SPTBN1: variants seen among roughly 807,000 people sequenced by gnomAD.
SPTBN1 encodes the protein spectrin beta chain, non-erythrocytic 1.
In SPTBN1, 32 loss-of-function variants were observed where a neutral mutation model predicts 266.4. The observed-to-expected ratio is 0.12, with a 90% CI of 0.09 to 0.16. The LOEUF (loss-of-function observed/expected upper bound fraction) is 0.16, where lower values mean the gene tolerates loss of function less well. Ranked by LOEUF, SPTBN1 falls within the 10% of genes least tolerant of loss-of-function variation. The probability of loss-of-function intolerance (pLI) is 1.00; values close to 1 mark genes in which losing one functional copy is unlikely to be tolerated. For synonymous variants in SPTBN1, 1,336 were observed against 1,162.2 expected (o/e 1.15, Z -3.04); for missense variants, 2,296 against 3,067.1 (o/e 0.75, Z 5.94).
At position 54,653,968 on chromosome 2, in the gene SPTBN1, A is replaced by G; in HGVS notation, c.5822+115A>G. The G allele has an allele frequency of 1.4e-6, 2 of 1,470,586 alleles. No individual in the cohort carries two copies. The highest frequency in any genetic ancestry group is 1.8e-6 in the Non-Finnish European group (2 of 1,101,434). 91.1% of individuals were successfully genotyped at this position (1,470,586 alleles called of 1,614,324 possible). On this transcript the variant is annotated intron_variant, in intron 27 of 35. Transcript: ENST00000356805. This position sits in a 1 kb window ranked among gnomAD's most constrained non-coding sequence, Gnocchi z 5.1. ...GTTCCTGCCTGAGCGCTTCAAGGCC[A>G]GAGTGGGGGTGGGGCGGTGCTTGGA...
chr2:54,597,085 T>A (rs1253801319), intron 2 of SPTBN1, among the ~76,000 whole-genome samples: 1 of 152,230 alleles, frequency 6.6e-6, no homozygotes, highest in Non-Finnish European at 1.5e-5. Context: ...TTGATCTTGC[T>A]CCCTTGCTTC....
At chr2:54,661,897 A>C in intron 32 of SPTBN1, 5 of 985,382 alleles carry the variant, frequency 5.1e-6, no homozygotes, top group Non-Finnish European at 6.0e-6. Flanking sequence ...ATTTTTATCT[A>C]GATTTTTAAA....
chr2:54,523,954 C>T (rs924419317), intron 1 of SPTBN1, among the ~76,000 whole-genome samples: 1 of 152,106 alleles, frequency 6.6e-6, no homozygotes, highest in Non-Finnish European at 1.5e-5. Context: ...AATCCCAGCA[C>T]TTTGGGAGGC....
intron 1 of SPTBN1, among the ~76,000 whole-genome samples, chr2:54,470,475 A>G (rs528456557): frequency 2.6e-5 from 4 of 152,276 alleles, no homozygotes; most frequent in South Asian, 2.1e-4. Flanking sequence ...TAGCTGGCCT[A>G]TCTCTGGAAT....
At chr2:54,544,754 A>G (rs943591423) in intron 2 of SPTBN1, among the ~76,000 whole-genome samples, 1 of 152,228 alleles carries the variant, frequency 6.6e-6, no homozygotes, top group African/African-American at 2.4e-5. Flanking sequence ...AAGTTTTAAA[A>G]AGGAGTAAAC....
At position 54,668,710 on chromosome 2, in the gene SPTBN1, T is replaced by G; in HGVS notation, c.*141T>G. 2 of 581,822 alleles carry G rather than the reference T, an allele frequency of 3.4e-6. No individual in the cohort carries two copies. The highest frequency in any genetic ancestry group is 5.4e-6 in the Non-Finnish European group (2 of 367,320). 36.0% of individuals were successfully genotyped at this position (581,822 alleles called of 1,614,324 possible). Reference sequence around the variant, plus strand: ...TTTTTTTTTTTAATTTATAGAGCATTTCGGGGGGGGTGGGGGAAACACACC... The same window carrying G: ...TTTTTTTTTTTAATTTATAGAGCATGTCGGGGGGGGTGGGGGAAACACACC... On this transcript the variant is annotated 3_prime_UTR_variant, in exon 36 of 36. Transcript: ENST00000356805.
chr2:54,634,692 C>G (rs1177974643), intron 17 of SPTBN1, among the ~76,000 whole-genome samples: 1 of 152,282 alleles, frequency 6.6e-6, no homozygotes, highest in East Asian at 1.9e-4. Flanking sequence ...CAGATATAAT[C>G]CCCGCTCCTC....
In SPTBN1 at chr2:54,618,324, A is replaced by G. The variant is rs187619956; in HGVS notation, c.763+131A>G. The G allele has an allele frequency of 5.1e-5, 39 of 758,696 alleles. 1 individual carries two copies. The Admixed American group carries it at 8.8e-4, about 17-fold the overall frequency. 47.0% of individuals were successfully genotyped at this position (758,696 alleles called of 1,614,324 possible). A position where few individuals can be genotyped will look rare whatever the true frequency, so the allele number is the denominator to read the frequency against. On this transcript the variant is annotated intron_variant, in intron 7 of 35. Transcript: ENST00000356805. The stretch of plus-strand genomic sequence containing the variant: ...GGAAGAGCTTAATTTTGGTTATGGG[A>G]ATTTTTTGAGGATTTATGGAAAGGA...
chr2:54,565,219 A>C (rs1466565689), intron 2 of SPTBN1, among the ~76,000 whole-genome samples: 1 of 152,188 alleles, frequency 6.6e-6, no homozygotes, highest in African/African-American at 2.4e-5. Context: ...AATCTTTGCA[A>C]AATTTTGTGG....
At chr2:54,497,192 G>A (rs1219543884) in intron 1 of SPTBN1, among the ~76,000 whole-genome samples, 1 of 152,166 alleles carries the variant, frequency 6.6e-6, no homozygotes. Flanking sequence ...GTTGCAGTGA[G>A]GAACTGTCTT....
intron 1 of SPTBN1, among the ~76,000 whole-genome samples, chr2:54,468,315 TAAAATAAAAAAATAA>T (rs1174223010): frequency 6.4e-5 from 9 of 140,924 alleles, no homozygotes; most frequent in East Asian, 2.0e-4. Context: ...TCAAAAAAAA[TAAAATAAAAAAATAA>T]AAAATAAAAA....
In SPTBN1 at chr2:54,639,915, C is replaced by T. The variant is rs1298107196; in HGVS notation, c.3858+2112C>T. 3.3e-5 allele frequency among the ~76,000 whole-genome samples: 5 copies of T among 152,254 alleles called. No individual in the cohort carries two copies. The East Asian group carries it at 9.7e-4, about 29-fold the overall frequency. ...CTGTGTGACTGCTCTGCGAAATCAT[C>T]CTGGTTTATCCTGTCTTCCCTTGTC... On this transcript the variant is annotated intron_variant, in intron 18 of 35. Coordinates refer to ENST00000356805, the MANE Select transcript of SPTBN1 (RefSeq NM_003128.3).
At chr2:54,575,531 T>G (rs144633847) in intron 2 of SPTBN1, among the ~76,000 whole-genome samples, 1,972 of 152,332 alleles carry the variant, frequency 0.013, 18 homozygotes, top group Middle Eastern at 0.024. Context: ...TTGGTAAAAG[T>G]AACTAAGGTA....
At chr2:54,596,604 G>T (rs1225575771) in intron 2 of SPTBN1, among the ~76,000 whole-genome samples, 1 of 152,186 alleles carries the variant, frequency 6.6e-6, no homozygotes, top group Non-Finnish European at 1.5e-5. Flanking sequence ...CACTTCGTGG[G>T]GCCTGCTCCT....
At chr2:54,508,487 C>T (rs996956482) in intron 1 of SPTBN1, among the ~76,000 whole-genome samples, 4 of 152,046 alleles carry the variant, frequency 2.6e-5, no homozygotes, top group African/African-American at 4.8e-5. Flanking sequence ...TAGATTTTTG[C>T]GATGGAAAGG....
rs145698972 is a variant in SPTBN1, at chr2:54,630,178, C to T, written c.2807+149C>T. On this transcript the variant is annotated intron_variant, in intron 15 of 35. Transcript: ENST00000356805. ...CATGGCATTGGCACCTGCCTTTTGA[C>T]ATGTCCTTGTTTTGTAAGAAGTGTC... The T allele has an allele frequency of 2.6e-3, 2,798 of 1,085,272 alleles. 4 individuals are homozygous for T. The highest frequency in any genetic ancestry group is 5.6e-3 in the Middle Eastern group (19 of 3,368). 67.2% of individuals were successfully genotyped at this position (1,085,272 alleles called of 1,614,324 possible).
At chr2:54,581,577 C>CTTTTTTTTTTTTTTTTTTTTTTTT (rs70944181) in intron 2 of SPTBN1, among the ~76,000 whole-genome samples, 14 of 102,644 alleles carry the variant, frequency 1.4e-4, no homozygotes, top group South Asian at 3.7e-4. Context: ...TTTCTTTGCC[C>CTTTTTTTTTTTTTTTTTTTTTTTT]TTTTTTTTTT....
At chr2:54,614,578 G>A (rs1057298661) in intron 4 of SPTBN1, among the ~76,000 whole-genome samples, 2 of 152,134 alleles carry the variant, frequency 1.3e-5, no homozygotes, top group African/African-American at 4.8e-5. Flanking sequence ...CAAGGTGGGT[G>A]GATCACTTCA....
intron 2 of SPTBN1, among the ~76,000 whole-genome samples, chr2:54,590,919 A>G (rs1675637310): frequency 6.6e-6 from 1 of 152,226 alleles, no homozygotes; most frequent in Non-Finnish European, 1.5e-5. Context: ...CTGATTGAGG[A>G]ACATGGCTAT....
Sources: gnomAD v4.1 joint callset for allele counts (sites outside exome capture counted in the v4.1 genomes callset) on GRCh38, gnomAD v4.1.1 for gene constraint, Gnocchi (gnomAD v3.1) non-coding constraint, MANE v1.5 for transcripts, NCBI Gene and HGNC (gene_info 2026-07-23, HGNC 2026-07-21) for gene names.